Variants in SPATA21 observed in about 807,000 individuals in gnomAD.
SPATA21 encodes the protein spermatogenesis associated 21, also known as spermatogenesis-associated protein 21.
Under a neutral mutation model 54.8 loss-of-function variants are expected in SPATA21, and 47 were observed. The ratio of observed to expected loss-of-function variants is 0.86; its 90% confidence interval spans 0.68 to 1.09. The LOEUF is 1.09. Ranked by LOEUF, SPATA21 falls within the 50% of genes least tolerant of loss-of-function variation. SPATA21 has a pLI of 0.00. For synonymous variants in SPATA21, 245 were observed against 235.3 expected, an observed-to-expected ratio of 1.04 and a Z score of -0.38; for missense variants, 599 against 596.4, an observed-to-expected ratio of 1.00 and a Z score of -0.05.
At position 16,432,114 on chromosome 1, in the gene SPATA21, CTTTTTT is replaced by C. The variant is rs35240103; in HGVS notation, c.-52+670_-52+675del. On this transcript the variant is annotated intron_variant, in intron 2 of 12. Coordinates refer to ENST00000335496, the MANE Select transcript of SPATA21 (RefSeq NM_198546.1). Reference sequence around the variant, plus strand: ...TTTTTCTTTTCTTCTTCTTCTTCTTCTTTTTTTTTTTTTTTTGTTTGTTTTGAGACA... The same window carrying C: ...TTTTTCTTTTCTTCTTCTTCTTCTTCTTTTTTTTTTGTTTGTTTTGAGACA... Among the ~76,000 whole-genome samples, 22 of 133,116 alleles carry C rather than the reference CTTTTTT, an allele frequency of 1.7e-4. 1 individual carries two copies. Among genetic ancestry groups the C allele is most frequent in the South Asian group, 4.7e-4 (2 of 4,268 alleles). 87.3% of individuals were successfully genotyped at this position (133,116 alleles called of 152,430 possible).
At chr1:16,430,450 CAAACT>C (rs2100900177) in intron 3 of SPATA21, among the ~76,000 whole-genome samples, 1 of 152,138 alleles carries the variant, frequency 6.6e-6, no homozygotes, top group East Asian at 1.9e-4. Flanking sequence ...AACAAACAAA[CAAACT>C]AATAAACATA....
At chr1:16,434,621 A>G (rs1463895531) in intron 1 of SPATA21, among the ~76,000 whole-genome samples, 2 of 152,038 alleles carry the variant, frequency 1.3e-5, no homozygotes, top group African/African-American at 4.8e-5. Context: ...CCTATTATGA[A>G]TAACACTGCT....
rs1255250214 is a variant in SPATA21, at chr1:16,422,027, C to T, written c.35-56G>A. On this transcript the variant is annotated intron_variant, in intron 3 of 12. Coordinates refer to ENST00000335496, the MANE Select transcript of SPATA21 (RefSeq NM_198546.1). ...CTTCCTGAGAGCTGTCCCCATGTCCCCCTGGGCTGGGCTCTGGCGGAGCCT... is the reference window on the plus strand; with the variant it reads ...CTTCCTGAGAGCTGTCCCCATGTCCTCCTGGGCTGGGCTCTGGCGGAGCCT... 8.1e-6 allele frequency: 13 copies of T among 1,613,578 alleles called. No homozygotes were observed. The South Asian group carries it at 8.8e-5, about 11-fold the overall frequency.
intron 5 of SPATA21, among the ~76,000 whole-genome samples, chr1:16,416,632 C>A (rs1371644586): frequency 6.7e-6 from 1 of 149,990 alleles, no homozygotes; most frequent in African/African-American, 2.5e-5. Context: ...GAGCTGAGAT[C>A]ACACCACTAC....
chr1:16,399,001 G>A (rs561570825), intron 12 of SPATA21, among the ~76,000 whole-genome samples, 179 bp from the exon 13 acceptor site: 2 of 152,272 alleles, frequency 1.3e-5, no homozygotes, highest in South Asian at 2.1e-4. Flanking sequence ...CTTCCCCAGC[G>A]GCCTGGAGGG....
chr1:16,416,178 G>T (rs1017566735), intron 5 of SPATA21, among the ~76,000 whole-genome samples: 1 of 152,224 alleles, frequency 6.6e-6, no homozygotes, highest in Non-Finnish European at 1.5e-5. Context: ...GTACAGGGGT[G>T]CCTAGTGCCC....
At chr1:16,417,896 G>A (rs997480108) in intron 5 of SPATA21, among the ~76,000 whole-genome samples, 4 of 152,154 alleles carry the variant, frequency 2.6e-5, no homozygotes, top group Non-Finnish European at 5.9e-5. Flanking sequence ...TCTACTCCCT[G>A]GCTCTGTCTG....
chr1:16,406,571 T>C (rs1268325890), intron 7 of SPATA21, among the ~76,000 whole-genome samples: 1 of 133,222 alleles, frequency 7.5e-6, no homozygotes, highest in East Asian at 3.4e-4. Context: ...AGAGACTCCA[T>C]CTCTACAAAA....
intron 3 of SPATA21, chr1:16,425,632 T>G: frequency 6.5e-7 from 1 of 1,550,348 alleles, no homozygotes; most frequent in Non-Finnish European, 8.7e-7. Context: ...CTTCAGGTAC[T>G]TCAGGAACCC....
Position 16,399,608 on chromosome 1 carries a change from G to A in SPATA21, c.1175-87C>T, listed in dbSNP as rs547826502. On this transcript the variant is annotated intron_variant, in intron 11 of 12. Transcript: ENST00000335496. Reference sequence around the variant, plus strand: ...CAGATTCAAGTGAAATCCTGGCGTTGCTACATAATGACCTGAGTGGTTTGG... The same window carrying A: ...CAGATTCAAGTGAAATCCTGGCGTTACTACATAATGACCTGAGTGGTTTGG... The A allele has an allele frequency of 4.2e-6, 6 of 1,437,842 alleles. No individual in the cohort carries two copies. In the South Asian group the frequency reaches 8.1e-5, roughly 19 times the overall value. The allele number at this position is 1,437,842 out of a possible 1,614,324, so 89.1% of individuals were successfully genotyped here. A position where few individuals can be genotyped will look rare whatever the true frequency, so the allele number is the denominator to read the frequency against.
At chr1:16,426,557 CTA>C (rs778670029) in intron 3 of SPATA21, among the ~76,000 whole-genome samples, 1,175 of 85,802 alleles carry the variant, frequency 0.014, 46 homozygotes, top group African/African-American at 0.046. Context: ...TGGTGCCCGG[CTA>C]TATATATATA....
chr1:16,399,154 A>G (rs1008096770), intron 12 of SPATA21, among the ~76,000 whole-genome samples, 190 bp downstream of exon 12: 1 of 152,214 alleles, frequency 6.6e-6, no homozygotes, highest in Admixed American at 6.5e-5. Context: ...CTTCAGTGGA[A>G]CAATCTGCTG....
In SPATA21 at chr1:16,421,596, A is replaced by G. The variant is rs1192862094; in HGVS notation, c.96-39T>C. The G allele has an allele frequency of 1.9e-6, 3 of 1,597,638 alleles. No individual in the cohort carries two copies. Among genetic ancestry groups the G allele is most frequent in the Non-Finnish European group, 2.6e-6 (3 of 1,171,206 alleles). The stretch of plus-strand genomic sequence containing the variant: ...AAACCCCCAGGTGGGGGAAGCGCTC[A>G]GCTGAAGGTTTGCCCCCCTGCCCTC... On this transcript the variant is annotated intron_variant, in intron 4 of 12. Coordinates refer to ENST00000335496, the MANE Select transcript of SPATA21 (RefSeq NM_198546.1). The surrounding 1 kb of genome is among the most constrained non-coding windows in gnomAD (Gnocchi z 5.2).
chr1:16,420,466 G>A (rs1012408351), intron 5 of SPATA21, among the ~76,000 whole-genome samples: 10 of 151,812 alleles, frequency 6.6e-5, no homozygotes, highest in South Asian at 2.1e-4. Context: ...GCAGTGAGCC[G>A]TGATCACACC....
At chr1:16,420,584 G>A (rs1220937780) in intron 5 of SPATA21, among the ~76,000 whole-genome samples, 1 of 152,132 alleles carries the variant, frequency 6.6e-6, no homozygotes, top group Non-Finnish European at 1.5e-5. Context: ...GTATGCTGAT[G>A]GAATCGTCCT....
intron 1 of SPATA21, among the ~76,000 whole-genome samples, chr1:16,436,415 G>T (rs1008873295): frequency 6.6e-6 from 1 of 150,956 alleles, no homozygotes; most frequent in Non-Finnish European, 1.5e-5. Flanking sequence ...TACAGATAGG[G>T]TGCAGTGTAT....
intron 7 of SPATA21, among the ~76,000 whole-genome samples, chr1:16,406,153 T>C (rs2085634341): frequency 6.6e-6 from 1 of 151,758 alleles, no homozygotes; most frequent in Admixed American, 6.6e-5. Flanking sequence ...GGAGTTTCAC[T>C]CTGTCACCCA....
At position 16,410,030 on chromosome 1, in the gene SPATA21, A is replaced by G. The variant is rs2085789437; in HGVS notation, c.158T>C (p.Ile53Thr). 1 of 1,565,378 alleles carries G rather than the reference A, an allele frequency of 6.4e-7. No individual in the cohort carries two copies. The highest frequency in any genetic ancestry group is 8.6e-7 in the Non-Finnish European group (1 of 1,159,426). ...ACGGTCTGGCTCCCGCCTCTCTCCA[A>G]TGTCCCTCACCTCCTGGGGACAGGG... ...GPLPPPEVRD[I>T]GERREPDRAQ... The change falls in exon 6 of 13, where the codon ATT (isoleucine) becomes ACT (threonine). Residue 53 changes from isoleucine to threonine, a missense_variant. Coordinates refer to ENST00000335496, the MANE Select transcript of SPATA21 (RefSeq NM_198546.1).
Position 16,425,561 on chromosome 1 carries a change from C to T in SPATA21, c.35-3590G>A, listed in dbSNP as rs780192121. On this transcript the variant is annotated intron_variant, in intron 3 of 12. Coordinates refer to ENST00000335496, the MANE Select transcript of SPATA21 (RefSeq NM_198546.1). ...AGGAGGCTGATCCTCCCCGATTCCC[C>T]GGTTCCGTTGCCTCCCCTGCTGGCC... is the stretch of plus-strand genomic sequence containing the variant. 3.9e-5 allele frequency: 60 copies of T among 1,549,624 alleles called. No individual in the cohort carries two copies. The Middle Eastern group carries it at 5.6e-4, about 14-fold the overall frequency.
Sources: gnomAD v4.1 joint callset for allele counts (sites outside exome capture counted in the v4.1 genomes callset) on GRCh38, gnomAD v4.1.1 for gene constraint, Gnocchi (gnomAD v3.1) non-coding constraint, MANE v1.5 for transcripts, NCBI Gene and HGNC (gene_info 2026-07-23, HGNC 2026-07-21) for gene names.